The following OCA2 variants were observed in gnomAD, a reference collection of about 807,000 sequenced individuals.
OCA2 encodes OCA2 melanosomal transmembrane protein, also known as P protein.
A neutral mutation model predicts 100.2 loss-of-function variants in OCA2; 77 were observed. That is an observed-to-expected ratio of 0.77 (90% CI 0.64 to 0.93). OCA2 has a LOEUF of 0.93. Among genes scored for constraint, OCA2 ranks in the 40% least tolerant of loss-of-function variants. The pLI, the probability that OCA2 is intolerant of heterozygous loss-of-function variation, is 0.00. For synonymous variants in OCA2, 432 were observed against 439.2 expected, an observed-to-expected ratio of 0.98 and a Z score of 0.21; for missense variants, 1,062 against 1,089.1, an observed-to-expected ratio of 0.98 and a Z score of 0.35.
chr15:27,933,975 T>G (rs2039356619), intron 18 of OCA2, among the ~76,000 whole-genome samples: 1 of 152,178 alleles, frequency 6.6e-6, no homozygotes, highest in African/African-American at 2.4e-5. Flanking sequence ...ATGTATTTGA[T>G]ATATACATAA....
At chr15:27,739,850 G>A in the OCA2 span, among the ~76,000 whole-genome samples, 3 of 152,120 alleles carry the variant, frequency 2.0e-5, no homozygotes, top group Non-Finnish European at 4.4e-5. Flanking sequence ...CCCATGAAGA[G>A]CTCTTTTACC....
intron 19 of OCA2, among the ~76,000 whole-genome samples, chr15:27,910,032 G>A (rs540704808): frequency 2.6e-5 from 4 of 151,894 alleles, no homozygotes; most frequent in Admixed American, 2.0e-4. Flanking sequence ...AGACGCAATC[G>A]AAAAACAGGA....
chr15:28,037,024 G>C (rs1268152845), intron 2 of OCA2, among the ~76,000 whole-genome samples: 1 of 152,044 alleles, frequency 6.6e-6, no homozygotes, highest in Non-Finnish European at 1.5e-5. Context: ...GATTCTCCAA[G>C]GGATGCCTGC....
At chr15:27,963,709 C>A in intron 15 of OCA2, among the ~76,000 whole-genome samples, 1 of 150,572 alleles carries the variant, frequency 6.6e-6, no homozygotes, top group South Asian at 2.1e-4. Flanking sequence ...TTTAAGAAAC[C>A]AGTGAAAAAA....
intron 19 of OCA2, among the ~76,000 whole-genome samples, chr15:27,899,184 A>G (rs1215056318): frequency 6.6e-6 from 1 of 152,222 alleles, no homozygotes; most frequent in Non-Finnish European, 1.5e-5. Flanking sequence ...GAAAAACCAT[A>G]TTATTTTCTT....
At position 27,839,834 on chromosome 15, in the gene OCA2, T is replaced by C. The variant is rs147124743; in HGVS notation, c.2432+5125A>G. Among the ~76,000 whole-genome samples, 378 of 152,230 alleles carry C rather than the reference T, an allele frequency of 2.5e-3. 3 individuals carry two copies. Among genetic ancestry groups the C allele is most frequent in the African/African-American group, 8.6e-3 (356 of 41,546 alleles). On this transcript the variant is annotated intron_variant, in intron 23 of 23. Coordinates refer to ENST00000354638, the MANE Select transcript of OCA2 (RefSeq NM_000275.3). ...TTGAGAAATATGTAAGTTTATACAA[T>C]AACAACAGAGAATGCACACATAAAA... is the stretch of plus-strand genomic sequence containing the variant.
intron 19 of OCA2, among the ~76,000 whole-genome samples, chr15:27,886,169 C>G (rs2151569715): frequency 6.6e-6 from 1 of 152,300 alleles, no homozygotes; most frequent in Non-Finnish European, 1.5e-5. Flanking sequence ...CCCCCTGAGG[C>G]AGGAAATTAT....
chr15:27,879,169 T>C (rs1216410694), intron 19 of OCA2, among the ~76,000 whole-genome samples: 1 of 152,216 alleles, frequency 6.6e-6, no homozygotes, highest in Non-Finnish European at 1.5e-5. Flanking sequence ...ATCATGTCCC[T>C]TAAAAGGACA....
intron 18 of OCA2, among the ~76,000 whole-genome samples, chr15:27,944,802 T>G (rs1489130174): frequency 6.6e-6 from 1 of 152,202 alleles, no homozygotes; most frequent in Admixed American, 6.5e-5. Context: ...CAGATTTCAG[T>G]AATAATACAA....
the OCA2 span, among the ~76,000 whole-genome samples, chr15:27,746,615 T>C: frequency 2.0e-5 from 3 of 152,252 alleles, no homozygotes; most frequent in Non-Finnish European, 4.4e-5. Context: ...CCTCTGCAAC[T>C]GGTTAACCAT....
At chr15:27,830,009 T>C (rs1266695870) in intron 23 of OCA2, among the ~76,000 whole-genome samples, 1 of 152,238 alleles carries the variant, frequency 6.6e-6, no homozygotes, top group East Asian at 1.9e-4. Flanking sequence ...TTAAGGTTTA[T>C]TACAATCCCA....
At chr15:27,865,262 C>A (rs1413968943) in intron 21 of OCA2, among the ~76,000 whole-genome samples, 2 of 152,196 alleles carry the variant, frequency 1.3e-5, no homozygotes, top group African/African-American at 2.4e-5. Flanking sequence ...CTCTCCCCAC[C>A]TACACAGTGG....
chr15:27,955,016 C>T, intron 17 of OCA2, 142 bp downstream of exon 17: 1 of 752,832 alleles, frequency 1.3e-6, no homozygotes, highest in Non-Finnish European at 2.4e-6. Flanking sequence ...TCCACTCACA[C>T]ACATAAACCT....
intron 15 of OCA2, among the ~76,000 whole-genome samples, chr15:27,965,172 C>G (rs1383931116): frequency 6.6e-6 from 1 of 152,192 alleles, no homozygotes; most frequent in Non-Finnish European, 1.5e-5. Context: ...CACTAAGACA[C>G]AGCTGTGCAC....
chr15:28,030,814 TTTAAA>T (rs909363684), intron 3 of OCA2, among the ~76,000 whole-genome samples: 45 of 152,216 alleles, frequency 3.0e-4, no homozygotes, highest in African/African-American at 1.0e-3. Flanking sequence ...CTGTTGAAAC[TTTAAA>T]TTATTTTGAG....
intron 9 of OCA2, among the ~76,000 whole-genome samples, chr15:28,001,875 C>G (rs1416646224): frequency 2.0e-5 from 3 of 152,228 alleles, no homozygotes; most frequent in Non-Finnish European, 2.9e-5. Flanking sequence ...ACAGAGGCAC[C>G]TGGTTCTCTG....
intron 21 of OCA2, among the ~76,000 whole-genome samples, chr15:27,855,919 G>C (rs1335102035): frequency 6.6e-6 from 1 of 152,194 alleles, no homozygotes; most frequent in East Asian, 1.9e-4. Flanking sequence ...GCTCCCTGTA[G>C]CTGCTGTCAC....
intron 19 of OCA2, among the ~76,000 whole-genome samples, chr15:27,886,509 T>C (rs1385923164): frequency 6.6e-6 from 1 of 152,128 alleles, no homozygotes; most frequent in African/African-American, 2.4e-5. Context: ...AGCCAAAAAT[T>C]AAGAGAATGC....
At chr15:28,078,109 C>T (rs897023589) in intron 2 of OCA2, among the ~76,000 whole-genome samples, 11 of 152,208 alleles carry the variant, frequency 7.2e-5, no homozygotes, top group African/African-American at 2.7e-4. Flanking sequence ...CAATGCATTC[C>T]ACGGACACAA....
Sources: allele counts gnomAD v4.1 joint callset (sites outside exome capture counted in the v4.1 genomes callset), GRCh38; gene constraint gnomAD v4.1.1; transcripts MANE v1.5; gene names NCBI Gene and HGNC (gene_info 2026-07-23, HGNC 2026-07-21).